Variants in ZNF385D observed in about 807,000 individuals in gnomAD.
ZNF385D encodes zinc finger protein 659.
A neutral mutation model predicts 35.8 loss-of-function variants in ZNF385D; 15 were observed. That is an observed-to-expected ratio of 0.42 (90% CI 0.28 to 0.64). ZNF385D has a LOEUF of 0.64. Ranked by LOEUF, ZNF385D falls within the 30% of genes least tolerant of loss-of-function variation. The pLI is 0.23. For missense variants in ZNF385D, 474 were observed against 494.6 expected (o/e 0.96, Z 0.39); for synonymous variants, 212 against 186.8 (o/e 1.13, Z -1.10).
intron 2 of ZNF385D, among the ~76,000 whole-genome samples, chr3:22,307,585 AATC>A (rs1703300183): frequency 6.6e-6 from 1 of 152,138 alleles, no homozygotes; most frequent in African/African-American, 2.4e-5. Flanking sequence ...ATTTTGGGAA[AATC>A]ATAACACAAA....
chr3:21,576,403 G>A (rs1398427922), intron 2 of ZNF385D, among the ~76,000 whole-genome samples: 1 of 152,128 alleles, frequency 6.6e-6, no homozygotes, highest in East Asian at 1.9e-4. Context: ...GCTTAATACA[G>A]CTCAAAGGAT....
intron 2 of ZNF385D, among the ~76,000 whole-genome samples, chr3:22,298,974 A>G (rs2125408761): frequency 6.6e-6 from 1 of 152,128 alleles, no homozygotes; most frequent in African/African-American, 2.4e-5. Context: ...ATGATTTGGC[A>G]GAGAGGATAC....
intron 2 of ZNF385D, among the ~76,000 whole-genome samples, chr3:22,346,094 T>G (rs1695647200): frequency 6.6e-6 from 1 of 152,156 alleles, no homozygotes; most frequent in Non-Finnish European, 1.5e-5. Context: ...AAATGGAAAT[T>G]GAATGTCTGC....
chr3:22,068,833 C>T (rs1700092740), intron 3 of ZNF385D, among the ~76,000 whole-genome samples: 1 of 152,172 alleles, frequency 6.6e-6, no homozygotes, highest in Non-Finnish European at 1.5e-5. Context: ...CTTCTAGCAA[C>T]AAGTAACATG....
chr3:22,064,966 A>C (rs920424315), intron 3 of ZNF385D, among the ~76,000 whole-genome samples: 1 of 152,230 alleles, frequency 6.6e-6, no homozygotes, highest in African/African-American at 2.4e-5. Flanking sequence ...AGCCATGCAC[A>C]AATTATATTA....
At chr3:21,743,044 A>T (rs1360547396) in intron 1 of ZNF385D, among the ~76,000 whole-genome samples, 1 of 152,204 alleles carries the variant, frequency 6.6e-6, no homozygotes, top group Non-Finnish European at 1.5e-5. Flanking sequence ...AAACATTATT[A>T]TATTATTATT....
intron 2 of ZNF385D, among the ~76,000 whole-genome samples, chr3:22,347,723 G>T (rs1207314393): frequency 1.3e-5 from 2 of 152,098 alleles, no homozygotes; most frequent in African/African-American, 4.8e-5. Flanking sequence ...TACACAAAAA[G>T]ATGGGAATGG....
intron 4 of ZNF385D, among the ~76,000 whole-genome samples, chr3:21,501,044 G>T (rs1706319666): frequency 6.6e-6 from 1 of 152,128 alleles, no homozygotes; most frequent in Non-Finnish European, 1.5e-5. Flanking sequence ...TAGAAGGCTA[G>T]GGTGGGAGGG....
chr3:22,217,201 T>G (rs1435466466), intron 2 of ZNF385D, among the ~76,000 whole-genome samples: 1 of 152,058 alleles, frequency 6.6e-6, no homozygotes, highest in African/African-American at 2.4e-5. Flanking sequence ...GGAATACAAC[T>G]TGATCAGCCT....
At chr3:21,756,921 T>C (rs1045459802) in intron 3 of ZNF385D, among the ~76,000 whole-genome samples, 4 of 152,284 alleles carry the variant, frequency 2.6e-5, no homozygotes, top group Admixed American at 2.6e-4. Flanking sequence ...TAGACACTGC[T>C]ATAAACTCCT....
At chr3:22,008,599 G>T (rs186841686) in intron 3 of ZNF385D, among the ~76,000 whole-genome samples, 1 of 151,980 alleles carries the variant, frequency 6.6e-6, no homozygotes, top group Non-Finnish European at 1.5e-5. Context: ...CTCGTGATCC[G>T]CCCACCACGG....
chr3:22,219,977 G>T (rs1698152910), intron 2 of ZNF385D, among the ~76,000 whole-genome samples: 1 of 150,586 alleles, frequency 6.6e-6, no homozygotes, highest in Non-Finnish European at 1.5e-5. Flanking sequence ...TTAACTTTCA[G>T]TTTCTTCTCT....
At chr3:21,829,582 C>T (rs1198898055) in intron 3 of ZNF385D, among the ~76,000 whole-genome samples, 7 of 151,788 alleles carry the variant, frequency 4.6e-5, no homozygotes, top group East Asian at 2.0e-4. Flanking sequence ...AGATATGATA[C>T]GATTTAGCCT....
intron 2 of ZNF385D, among the ~76,000 whole-genome samples, chr3:21,622,473 G>A (rs1002522021): frequency 6.6e-6 from 1 of 152,062 alleles, no homozygotes; most frequent in Non-Finnish European, 1.5e-5. Flanking sequence ...GAAGATCAAG[G>A]TTGAAATTGT....
At chr3:22,025,883 G>A (rs149198453) in intron 3 of ZNF385D, among the ~76,000 whole-genome samples, 258 of 152,262 alleles carry the variant, frequency 1.7e-3, no homozygotes, top group East Asian at 6.8e-3. Flanking sequence ...AGATATAACC[G>A]TGGCAACGGC....
rs1477903071 is a variant in ZNF385D, at chr3:21,641,307, C to T, written c.165+23579G>A. Among the ~76,000 whole-genome samples, 3 of 150,642 alleles carry T rather than the reference C, an allele frequency of 2.0e-5. No individual in the cohort carries two copies. The East Asian group carries it at 5.9e-4, about 30-fold the overall frequency. On this transcript the variant is annotated intron_variant, in intron 2 of 7. Transcript: ENST00000281523. ...AAATTTTAATATGAGGAATGAAGTA[C>T]AGTACCAGACAAGTTGGTGAAGAGG...
intron 3 of ZNF385D, among the ~76,000 whole-genome samples, chr3:21,962,742 C>T (rs1291889375): frequency 1.3e-5 from 2 of 152,022 alleles, no homozygotes; most frequent in Non-Finnish European, 2.9e-5. Context: ...CTTTTTCTGT[C>T]TTATAATTTC....
At chr3:22,224,214 G>A (rs976828621) in intron 2 of ZNF385D, among the ~76,000 whole-genome samples, 2 of 152,274 alleles carry the variant, frequency 1.3e-5, no homozygotes, top group South Asian at 2.1e-4. Context: ...GATTTCAGAT[G>A]AAGAAAGTGT....
chr3:21,721,143 A>G (rs1459389989), intron 1 of ZNF385D, among the ~76,000 whole-genome samples: 1 of 152,248 alleles, frequency 6.6e-6, no homozygotes, highest in Admixed American at 6.5e-5. Flanking sequence ...AAAGGAGCAT[A>G]ATGACTTTGC....
Sources: allele counts gnomAD v4.1 joint callset (sites outside exome capture counted in the v4.1 genomes callset), GRCh38; gene constraint gnomAD v4.1.1; transcripts MANE v1.5; gene names NCBI Gene and HGNC (gene_info 2026-07-23, HGNC 2026-07-21).